Variants in MGAT5 observed in about 807,000 individuals in gnomAD.
MGAT5 encodes the protein alpha-1,6-mannosylglycoprotein 6-beta-N-acetylglucosaminyltransferase A.
MGAT5 carries 30 observed loss-of-function variants against 94.3 expected under a neutral mutation model. That is an observed-to-expected ratio of 0.32 (90% CI 0.24 to 0.43). MGAT5 has a LOEUF of 0.43. Ranked by LOEUF, MGAT5 falls within the 20% of genes least tolerant of loss-of-function variation. MGAT5 has a pLI of 1.00. For synonymous variants in MGAT5, 310 were observed against 322.9 expected (o/e 0.96, Z 0.43); for missense variants, 691 against 905.5 (o/e 0.76, Z 3.04).
intron 1 of MGAT5, among the ~76,000 whole-genome samples, chr2:134,120,784 G>A (rs1685535525): frequency 6.6e-6 from 1 of 151,920 alleles, no homozygotes; most frequent in Admixed American, 6.5e-5. Context: ...AGGGGCCAGT[G>A]GGGAGGAAGG....
At chr2:134,131,827 G>T (rs1160940278) in intron 1 of MGAT5, among the ~76,000 whole-genome samples, 2 of 152,140 alleles carry the variant, frequency 1.3e-5, no homozygotes, top group Non-Finnish European at 2.9e-5. Flanking sequence ...ACAGGACTGG[G>T]CTTGCACCTT....
chr2:134,201,816 C>CTTTTTTTT lies in MGAT5; in HGVS notation c.-142-52426_-142-52419dup, dbSNP rs554227745. Among the ~76,000 whole-genome samples the CTTTTTTTT allele has an allele frequency of 2.9e-5, 2 of 67,860 alleles. 1 individual carries two copies. The allele number at this position is 67,860 out of a possible 152,430, so 44.5% of individuals were successfully genotyped here. ...GGCCAGCTCTCTGGGCCAAGCGCTG[C>CTTTTTTTT]TTTTTTTTTTTTTTTTTTTTTTTTT... On this transcript the variant is annotated intron_variant, in intron 1 of 16. Coordinates refer to the MGAT5 transcript ENST00000409645.
intron 4 of MGAT5, among the ~76,000 whole-genome samples, chr2:134,334,756 T>C (rs1368401342): frequency 6.6e-6 from 1 of 152,108 alleles, no homozygotes; most frequent in Non-Finnish European, 1.5e-5. Context: ...CTCATTTTTC[T>C]CATTTGTGGA....
At chr2:134,189,597 T>TTTTTTTTTTTG (rs796171408) in intron 1 of MGAT5, among the ~76,000 whole-genome samples, 1 of 87,138 alleles carries the variant, frequency 1.1e-5, no homozygotes, top group African/African-American at 4.6e-5. Context: ...CTCTAGTTTT[T>TTTTTTTTTTTG]TTTTGTTTTT....
At chr2:134,419,477 T>TGTGTGG (rs1684175597) in intron 12 of MGAT5, among the ~76,000 whole-genome samples, 1 of 151,390 alleles carries the variant, frequency 6.6e-6, no homozygotes, top group Non-Finnish European at 1.5e-5. Flanking sequence ...TGTGTGTGTG[T>TGTGTGG]GTGTGTGTGT....
chr2:134,319,863 C>G, intron 4 of MGAT5: 1 of 256,382 alleles, frequency 3.9e-6, no homozygotes. Context: ...TGTGTATGCT[C>G]AATTTGGTAA....
intron 10 of MGAT5, among the ~76,000 whole-genome samples, chr2:134,364,055 T>C (rs576302937): frequency 6.6e-6 from 1 of 152,212 alleles, no homozygotes; most frequent in Non-Finnish European, 1.5e-5. Context: ...TCACTTTGTT[T>C]TGGGGCCAAG....
chr2:134,232,082 ACTC>A (rs10674634), intron 1 of MGAT5, among the ~76,000 whole-genome samples: 35 of 149,978 alleles, frequency 2.3e-4, no homozygotes, highest in African/African-American at 7.3e-4. Flanking sequence ...GTCATTCTAT[ACTC>A]CTCCTCCTCC....
At chr2:134,227,196 A>G (rs775011565) in intron 1 of MGAT5, among the ~76,000 whole-genome samples, 18 of 152,158 alleles carry the variant, frequency 1.2e-4, no homozygotes, top group Non-Finnish European at 2.5e-4. Flanking sequence ...TTTCCCACTG[A>G]AAAGAGACAT....
chr2:134,125,127 A>C (rs993918770), intron 1 of MGAT5, among the ~76,000 whole-genome samples: 2 of 152,064 alleles, frequency 1.3e-5, no homozygotes, highest in Non-Finnish European at 2.9e-5. Context: ...AGGGTAGACA[A>C]GAAAATAGGA....
At chr2:134,201,816 CTTTTTTTTTT>C (rs554227745) in intron 1 of MGAT5, among the ~76,000 whole-genome samples, 1 of 67,876 alleles carries the variant, frequency 1.5e-5, no homozygotes, top group African/African-American at 7.3e-5. Context: ...CCAAGCGCTG[CTTTTTTTTTT>C]TTTTTTTTTT....
At chr2:134,220,202 C>T (rs1197621128) in intron 1 of MGAT5, among the ~76,000 whole-genome samples, 7 of 152,108 alleles carry the variant, frequency 4.6e-5, no homozygotes, top group African/African-American at 9.7e-5. Flanking sequence ...GTATGCTCTT[C>T]GATGGAAAAC....
At chr2:134,373,985 A>G (rs988565619) in intron 10 of MGAT5, among the ~76,000 whole-genome samples, 22 of 152,256 alleles carry the variant, frequency 1.4e-4, no homozygotes, top group African/African-American at 5.3e-4. Context: ...TGAGTTCTCT[A>G]TGGTCCTTAT....
intron 1 of MGAT5, among the ~76,000 whole-genome samples, chr2:134,171,291 T>C (rs1350727709): frequency 6.6e-6 from 1 of 152,230 alleles, no homozygotes; most frequent in East Asian, 1.9e-4. Context: ...TATAAACTCC[T>C]GAGTTTTTTT....
Position 134,452,678 on chromosome 2 carries a change from C to A in MGAT5, c.*3831C>A, listed in dbSNP as rs992123275. On this transcript the variant is annotated 3_prime_UTR_variant, in exon 16 of 16. Coordinates refer to ENST00000281923, the MANE Select transcript of MGAT5 (RefSeq NM_002410.5). ...CCACCCTCACCTCTGGCCAAAAATT[C>A]TTGATTTAAAAAGAAAAGTCTATTT... The A allele has an allele frequency of 3.9e-5, 6 of 152,286 alleles. No individual in the cohort carries two copies. The highest frequency in any genetic ancestry group is 1.2e-4 in the African/African-American group (5 of 41,566). 9.4% of individuals were successfully genotyped at this position (152,286 alleles called of 1,614,324 possible).
At chr2:134,359,166 C>T (rs1214455169) in intron 9 of MGAT5, among the ~76,000 whole-genome samples, 1 of 152,212 alleles carries the variant, frequency 6.6e-6, no homozygotes, top group Admixed American at 6.5e-5. Flanking sequence ...ACAAGATACT[C>T]AAGAAACTGA....
chr2:134,362,281 C>A lies in MGAT5; in HGVS notation c.1253C>A (p.Thr418Asn). The A allele has an allele frequency of 6.2e-7, 1 of 1,613,582 alleles. No homozygotes were observed. The highest frequency in any genetic ancestry group is 8.5e-7 in the Non-Finnish European group (1 of 1,179,676). Residue 418 changes from threonine to asparagine, a missense_variant, in exon 10 of 16, where the codon ACC becomes AAC. Thr to Asn is a moderately conservative substitution (Grantham distance 65). This residue lies in a region of MGAT5 where 121 missense variants were observed against 206.1 expected (regional missense o/e 0.59). Transcript: ENST00000281923. ...CCATTTCTTTGCACACCAGCTCATA[C>A]CCCAGACAACAGCTTTCTGGGGTTT... ...PQQFYTMFPH[T>N]PDNSFLGFVV... is the part of the protein sequence containing the mutation.
intron 12 of MGAT5, among the ~76,000 whole-genome samples, chr2:134,414,702 T>C (rs1683869419): frequency 6.6e-6 from 1 of 152,222 alleles, no homozygotes; most frequent in Non-Finnish European, 1.5e-5. Context: ...TGCTGCACAC[T>C]AGTTCTCCAG....
intron 1 of MGAT5, among the ~76,000 whole-genome samples, chr2:134,130,686 T>C (rs559707818): frequency 4.2e-5 from 6 of 142,536 alleles, no homozygotes; most frequent in Non-Finnish European, 8.1e-5. Flanking sequence ...GGTTTGTAAA[T>C]GCACCAATCA....
Sources: gnomAD v4.1 joint callset for allele counts (sites outside exome capture counted in the v4.1 genomes callset) on GRCh38, gnomAD v4.1.1 for gene constraint, gnomAD v4.1.1 regional missense constraint, MANE v1.5 for transcripts, NCBI Gene and HGNC (gene_info 2026-07-23, HGNC 2026-07-21) for gene names.